The following TLN2 variants were observed in gnomAD, a reference collection of about 807,000 sequenced individuals.
TLN2 encodes talin-2.
A neutral mutation model predicts 294.7 loss-of-function variants in TLN2; 118 were observed. The observed-to-expected ratio is 0.40, with a 90% confidence interval of 0.34 to 0.47. The LOEUF is 0.47. TLN2 is among the 20% of genes least tolerant of loss of function. The pLI is 0.84. For synonymous variants in TLN2, 1,431 were observed against 1,304.5 expected (o/e 1.10, Z -2.09); for missense variants, 3,083 against 3,282.2 (o/e 0.94, Z 1.48).
rs183323640 is a variant in TLN2 at position 62,590,058 on chromosome 15, C to G, written c.-162+296C>G. 8.7e-4 allele frequency among the ~76,000 whole-genome samples: 132 copies of G among 152,096 alleles called. 3 individuals are homozygous for G. In the East Asian group the frequency reaches 0.022, roughly 25 times the overall value. ...CATATTGGACCTTATAGTGTGAATT[C>G]TCATTCACTCACACTGGTTTGCTTC... is the stretch of plus-strand genomic sequence containing the variant. On this transcript the variant is annotated intron_variant, in intron 2 of 58. Coordinates refer to ENST00000636159, the MANE Select transcript of TLN2 (RefSeq NM_015059.3).
chr15:62,619,748 G>T (rs1287965143), intron 3 of TLN2, among the ~76,000 whole-genome samples: 1 of 152,186 alleles, frequency 6.6e-6, no homozygotes, highest in Non-Finnish European at 1.5e-5. Context: ...GAGAAAGGAA[G>T]TATTCTTCTA....
chr15:62,578,603 C>A (rs188922138), intron 1 of TLN2, among the ~76,000 whole-genome samples: 16 of 152,268 alleles, frequency 1.1e-4, no homozygotes, highest in African/African-American at 3.6e-4. Context: ...CCTGCATATT[C>A]CACTTCATGA....
chr15:62,642,867 A>G (rs2051302853), intron 3 of TLN2, among the ~76,000 whole-genome samples: 1 of 151,884 alleles, frequency 6.6e-6, no homozygotes, highest in Non-Finnish European at 1.5e-5. Context: ...ACGCCCAGCT[A>G]ATTTTTATAT....
chr15:62,729,814 A>G (rs187428807), intron 28 of TLN2, among the ~76,000 whole-genome samples: 140 of 152,000 alleles, frequency 9.2e-4, no homozygotes, highest in Middle Eastern at 3.4e-3. Context: ...GCCTATGGTA[A>G]GTTCCTTTTT....
intron 27 of TLN2, among the ~76,000 whole-genome samples, chr15:62,726,559 T>C (rs993342196): frequency 6.6e-6 from 1 of 152,180 alleles, no homozygotes; most frequent in Non-Finnish European, 1.5e-5. Context: ...CCTCTATTTC[T>C]ATTGCATTTC....
chr15:62,824,743 A>G (rs2141217071), intron 54 of TLN2, among the ~76,000 whole-genome samples: 1 of 152,326 alleles, frequency 6.6e-6, no homozygotes, highest in African/African-American at 2.4e-5. Flanking sequence ...GGATTATGAT[A>G]TAGAAAACAT....
At chr15:62,666,184 G>C (rs2054614629) in intron 9 of TLN2, among the ~76,000 whole-genome samples, 1 of 152,156 alleles carries the variant, frequency 6.6e-6, no homozygotes, top group Non-Finnish European at 1.5e-5. Flanking sequence ...ACTGCTGTGT[G>C]ACCAAGATAG....
At chr15:62,689,801 T>C (rs1334480089) in intron 12 of TLN2, among the ~76,000 whole-genome samples, 1 of 146,538 alleles carries the variant, frequency 6.8e-6, no homozygotes, top group African/African-American at 2.5e-5. Flanking sequence ...TGGCTGTTTT[T>C]AAGATATTTT....
chr15:62,442,999 C>G (rs1320034465), intron 1 of TLN2, among the ~76,000 whole-genome samples: 2 of 152,228 alleles, frequency 1.3e-5, no homozygotes, highest in Non-Finnish European at 2.9e-5. Context: ...TCCACTGTCC[C>G]ACCTCCTGTC....
chr15:62,671,659 A>C (rs1263301576), intron 9 of TLN2, among the ~76,000 whole-genome samples: 2 of 152,214 alleles, frequency 1.3e-5, no homozygotes, highest in Non-Finnish European at 2.9e-5. Flanking sequence ...TTACATCATT[A>C]CTGCACTGTC....
intron 42 of TLN2, among the ~76,000 whole-genome samples, chr15:62,775,337 G>C (rs2063639667): frequency 6.6e-6 from 1 of 152,092 alleles, no homozygotes; most frequent in South Asian, 2.1e-4. Context: ...CTGGAGAGTA[G>C]GTCCAAGAGG....
At chr15:62,698,586 C>G (rs1414548025) in intron 15 of TLN2, among the ~76,000 whole-genome samples, 168 bp from the exon 16 acceptor site, 2 of 152,230 alleles carry the variant, frequency 1.3e-5, no homozygotes, top group African/African-American at 4.8e-5. Flanking sequence ...AATGCAGTAT[C>G]TATTTCTGGC....
intron 1 of TLN2, among the ~76,000 whole-genome samples, chr15:62,470,259 AT>A (rs573953463): frequency 1.9e-3 from 282 of 152,346 alleles, no homozygotes; most frequent in Non-Finnish European, 3.1e-3. Context: ...CAGGAAACAG[AT>A]TCCAGAGGTA....
intron 1 of TLN2, among the ~76,000 whole-genome samples, chr15:62,565,910 CTGTGTG>C (rs71718001): frequency 0.13 from 19,059 of 148,408 alleles, 1,672 homozygotes; most frequent in East Asian, 0.44. Context: ...TGTTTACTAG[CTGTGTG>C]TGTGTGTGTG....
chr15:62,478,378 G>C (rs920122572), intron 1 of TLN2, among the ~76,000 whole-genome samples: 2 of 152,054 alleles, frequency 1.3e-5, no homozygotes, highest in Non-Finnish European at 2.9e-5. Flanking sequence ...CCCACCCTCA[G>C]CTTAGACCCA....
At position 62,776,855 on chromosome 15, in the gene TLN2, G is replaced by A; in HGVS notation, c.5459G>A (p.Ser1820Asn). The A allele has an allele frequency of 1.2e-6, 2 of 1,601,122 alleles. No individual in the cohort carries two copies. Among genetic ancestry groups the A allele is most frequent in the Non-Finnish European group, 1.7e-6 (2 of 1,173,580 alleles). The change falls in exon 43 of 59, where the codon AGT becomes AAT. Residue 1820 changes from serine to asparagine, a missense_variant. By Grantham distance (46) the Ser-to-Asn change is conservative. Coordinates refer to ENST00000636159, the MANE Select transcript of TLN2 (RefSeq NM_015059.3). The stretch of plus-strand genomic sequence containing the variant: ...ATGGTGACGCTGAACGAAGCTGCCA[G>A]TGAAGTGGGGCTGGTTGGGGGCATG... ...DIMVTLNEAASEVGLVGGMVD... is the reference protein window; with the variant it reads ...DIMVTLNEAANEVGLVGGMVD...
chr15:62,581,345 A>G (rs373819739), intron 1 of TLN2, among the ~76,000 whole-genome samples: 442 of 152,304 alleles, frequency 2.9e-3, no homozygotes, highest in Non-Finnish European at 5.3e-3. Flanking sequence ...TCTTTTTAGC[A>G]CTGAATAGTA....
chr15:62,825,789 T>TATATTATATATATATTA (rs1491491748), intron 54 of TLN2, among the ~76,000 whole-genome samples: 3 of 83,594 alleles, frequency 3.6e-5, no homozygotes, highest in African/African-American at 2.2e-4. Flanking sequence ...ATATTATATA[T>TATATTATATATATATTA]TATAATATAT....
At chr15:62,838,803 A>C in intron 57 of TLN2, 53 bp from the exon 58 acceptor site, 4 of 1,598,678 alleles carry the variant, frequency 2.5e-6, no homozygotes, top group Non-Finnish European at 3.4e-6. Flanking sequence ...TATTCTTGCC[A>C]GGCCCAAATG....
Sources: allele counts gnomAD v4.1 joint callset (sites outside exome capture counted in the v4.1 genomes callset), GRCh38; gene constraint gnomAD v4.1.1; transcripts MANE v1.5; gene names NCBI Gene and HGNC (gene_info 2026-07-23, HGNC 2026-07-21).